The following HUNK variants were observed in gnomAD, a reference collection of about 807,000 sequenced individuals.
HUNK encodes the protein hormonally up-regulated Neu-associated kinase.
A neutral mutation model predicts 61.0 loss-of-function variants in HUNK; 21 were observed. The ratio of observed to expected loss-of-function variants is 0.34; its 90% CI spans 0.24 to 0.50. The LOEUF (loss-of-function observed/expected upper bound fraction) is 0.50, where lower values mean the gene tolerates loss of function less well. Ranked by LOEUF, HUNK falls within the 20% of genes least tolerant of loss-of-function variation. HUNK has a pLI of 0.98. For missense variants in HUNK, 772 were observed against 945.7 expected, an observed-to-expected ratio of 0.82 and a Z score of 2.41; for synonymous variants, 371 against 386.1, an observed-to-expected ratio of 0.96 and a Z score of 0.46.
At chr21:31,960,532 T>C (rs1361948005) in intron 5 of HUNK, among the ~76,000 whole-genome samples, 40 of 152,158 alleles carry the variant, frequency 2.6e-4, no homozygotes, top group Admixed American at 2.6e-3. Context: ...AATAAAGACA[T>C]ACCCGAGACT....
intron 7 of HUNK, among the ~76,000 whole-genome samples, chr21:31,978,759 C>T (rs1021891301): frequency 3.3e-5 from 5 of 152,106 alleles, no homozygotes; most frequent in African/African-American, 9.7e-5. Flanking sequence ...CATTTCCTGG[C>T]TATTGTAAAT....
At chr21:31,910,645 C>T (rs1023567625) in intron 1 of HUNK, among the ~76,000 whole-genome samples, 21 of 152,004 alleles carry the variant, frequency 1.4e-4, no homozygotes, top group African/African-American at 2.2e-4. Flanking sequence ...TGCGCCACCA[C>T]GCCTGACTAA....
At chr21:31,891,609 G>T (rs941608969) in intron 1 of HUNK, among the ~76,000 whole-genome samples, 1 of 152,154 alleles carries the variant, frequency 6.6e-6, no homozygotes, top group Non-Finnish European at 1.5e-5. Context: ...GAAACCATTA[G>T]GCTGAACTTA....
intron 1 of HUNK, among the ~76,000 whole-genome samples, chr21:31,911,492 G>A (rs533206040): frequency 1.3e-4 from 20 of 152,308 alleles, no homozygotes; most frequent in African/African-American, 4.8e-4. Flanking sequence ...ACGAGGAGGC[G>A]GGTCAAGCCG....
rs58056932 is a variant in HUNK at position 31,988,026 on chromosome 21, G to T, written c.1258-2103G>T. On this transcript the variant is annotated intron_variant, in intron 8 of 10. Coordinates refer to ENST00000270112, the MANE Select transcript of HUNK (RefSeq NM_014586.2). The stretch of plus-strand genomic sequence containing the variant: ...TCTTTGTTCCTTTTGATTCCAGTTC[G>T]TTTTCTCCTAGGAGACAAAGGAGCT... 5.8e-3 allele frequency among the ~76,000 whole-genome samples: 877 copies of T among 152,282 alleles called. 11 individuals are homozygous for T. The highest frequency in any genetic ancestry group is 0.02 in the African/African-American group (838 of 41,562).
At chr21:31,952,826 C>T (rs890153386) in intron 4 of HUNK, among the ~76,000 whole-genome samples, 2 of 149,370 alleles carry the variant, frequency 1.3e-5, no homozygotes, top group African/African-American at 4.9e-5. Flanking sequence ...ATAGCTCATC[C>T]TTATTTCATT....
intron 4 of HUNK, among the ~76,000 whole-genome samples, chr21:31,957,505 G>A (rs79909220): frequency 0.034 from 5,193 of 152,238 alleles, 278 homozygotes; most frequent in African/African-American, 0.12. Flanking sequence ...ATTGGGCCTC[G>A]AGGGTCTTAA....
chr21:31,954,374 T>C (rs2052873518), intron 4 of HUNK, among the ~76,000 whole-genome samples: 1 of 152,236 alleles, frequency 6.6e-6, no homozygotes, highest in Non-Finnish European at 1.5e-5. Flanking sequence ...ACGTGAGTTA[T>C]TTTTATTTAA....
chr21:31,989,573 G>A (rs1365518274), intron 8 of HUNK, among the ~76,000 whole-genome samples: 2 of 152,146 alleles, frequency 1.3e-5, no homozygotes, highest in African/African-American at 2.4e-5. Flanking sequence ...AATTAGCTGG[G>A]TGTGGTGGTG....
At chr21:31,882,233 T>C (rs1374015647) in intron 1 of HUNK, among the ~76,000 whole-genome samples, 1 of 152,222 alleles carries the variant, frequency 6.6e-6, no homozygotes, top group African/African-American at 2.4e-5. Context: ...CGGTGGCCAC[T>C]GTGCCCTAGC....
chr21:31,924,716 C>T lies in HUNK; in HGVS notation c.510C>T (p.Leu170=). The change falls in exon 2 of 11, where the codon CTC becomes CTT. Residue 170 remains leucine (L), a synonymous_variant. Transcript: ENST00000270112. This position sits in a 1 kb window ranked among gnomAD's most constrained non-coding sequence, Gnocchi z 5.1. ...ESEARRYIRQ[L]ISAVEHLHRA... ...AAGCCCGCAGATACATCCGACAGCT[C>T]ATCTCTGCCGTAGAGCACCTGCACC... 1 of 1,613,594 alleles carries T rather than the reference C, an allele frequency of 6.2e-7. No individual in the cohort carries two copies. The highest frequency in any genetic ancestry group is 8.5e-7 in the Non-Finnish European group (1 of 1,179,946).
At chr21:31,923,070 C>T (rs983514173) in intron 1 of HUNK, among the ~76,000 whole-genome samples, 7 of 152,066 alleles carry the variant, frequency 4.6e-5, no homozygotes, top group Non-Finnish European at 7.4e-5. Flanking sequence ...GGACAGGTGG[C>T]GAGACAGCTG....
chr21:31,942,576 A>G (rs1601389700), intron 3 of HUNK, among the ~76,000 whole-genome samples: 1 of 152,164 alleles, frequency 6.6e-6, no homozygotes, highest in African/African-American at 2.4e-5. Context: ...ATACACCTAA[A>G]TCAGAGCCCA....
chr21:31,887,098 A>G (rs1433756440), intron 1 of HUNK, among the ~76,000 whole-genome samples: 1 of 152,058 alleles, frequency 6.6e-6, no homozygotes, highest in Non-Finnish European at 1.5e-5. Flanking sequence ...GGTGATGACT[A>G]TGTTGAATGG....
intron 1 of HUNK, among the ~76,000 whole-genome samples, chr21:31,913,220 C>T (rs2052558286): frequency 6.6e-6 from 1 of 152,008 alleles, no homozygotes; most frequent in South Asian, 2.1e-4. Context: ...TGACCCCAGC[C>T]AGTCTGGATG....
chr21:31,968,715 AGTGTGTGTGTGT>A (rs746064468), intron 6 of HUNK, among the ~76,000 whole-genome samples: 10 of 88,342 alleles, frequency 1.1e-4, no homozygotes, highest in East Asian at 3.1e-4. Flanking sequence ...CTGTGGCCCG[AGTGTGTGTGTGT>A]GTGTGTGTGT....
At chr21:31,907,658 G>A (rs1033866371) in intron 1 of HUNK, among the ~76,000 whole-genome samples, 6 of 152,274 alleles carry the variant, frequency 3.9e-5, no homozygotes, top group Middle Eastern at 3.4e-3. Flanking sequence ...TCACAACCAC[G>A]TGAACATATT....
intron 1 of HUNK, among the ~76,000 whole-genome samples, chr21:31,909,684 ATG>A (rs2052532698): frequency 1.3e-5 from 2 of 152,198 alleles, no homozygotes. Context: ...AAAGACAGGG[ATG>A]TGTGTGTTTG....
Position 31,995,914 on chromosome 21 carries a change from C to T in HUNK, c.1452C>T (p.Asp484=), listed in dbSNP as rs544322969. 21 of 1,613,892 alleles carry T rather than the reference C, an allele frequency of 1.3e-5. No individual in the cohort carries two copies. In the East Asian group the frequency reaches 4.7e-4, roughly 36 times the overall value. ...AGAACACCAAAGCCCTCCTGAAGGA[C>T]CGGAAGGCCTCCAAGTCCAGCTTCC... ...QIQNTKALLK[D]RKASKSSFPD... The change falls in exon 10 of 11, where the codon GAC becomes GAT. Residue 484 remains aspartate, a synonymous_variant. Coordinates refer to ENST00000270112, the MANE Select transcript of HUNK (RefSeq NM_014586.2).
Sources: allele counts gnomAD v4.1 joint callset (sites outside exome capture counted in the v4.1 genomes callset), GRCh38; gene constraint gnomAD v4.1.1; non-coding constraint Gnocchi (gnomAD v3.1); transcripts MANE v1.5; gene names NCBI Gene and HGNC (gene_info 2026-07-23, HGNC 2026-07-21).